Variants in ALK observed in about 807,000 individuals in gnomAD.
ALK encodes the protein ALK receptor tyrosine kinase.
A neutral mutation model predicts 163.1 loss-of-function variants in ALK; 74 were observed. The ratio of observed to expected loss-of-function variants is 0.45; its 90% CI spans 0.38 to 0.55. The LOEUF (loss-of-function observed/expected upper bound fraction) is 0.55, where lower values mean the gene tolerates loss of function less well. ALK is among the 20% of genes least tolerant of loss of function. ALK has a pLI of 0.00. For missense variants in ALK, 2,063 were observed against 2,105.3 expected (o/e 0.98, Z 0.39); for synonymous variants, 960 against 843.2 (o/e 1.14, Z -2.40).
chr2:29,218,516 T>A (rs1669699710), intron 23 of ALK, among the ~76,000 whole-genome samples: 1 of 152,142 alleles, frequency 6.6e-6, no homozygotes, highest in South Asian at 2.1e-4. Flanking sequence ...GGAATCATCT[T>A]TCATCATCAA....
intron 1 of ALK, among the ~76,000 whole-genome samples, chr2:29,819,090 G>A (rs1030126093): frequency 2.6e-5 from 4 of 152,128 alleles, no homozygotes; most frequent in Non-Finnish European, 5.9e-5. Context: ...TGCCTCTCCC[G>A]TCCCTCCAAT....
intron 11 of ALK, among the ~76,000 whole-genome samples, chr2:29,274,109 C>T (rs1168496008): frequency 3.9e-5 from 6 of 152,144 alleles, no homozygotes; most frequent in African/African-American, 7.2e-5. Flanking sequence ...GAAGGGGTGA[C>T]GGTTAGCCCT....
Position 29,214,334 on chromosome 2 carries a change from C to T in ALK, c.3646-253G>A, listed in dbSNP as rs3738865. On this transcript the variant is annotated intron_variant, in intron 23 of 28. Coordinates refer to ENST00000389048, the MANE Select transcript of ALK (RefSeq NM_004304.5). ...TGAAGTCTTCCCAGGTAATATGATG[C>T]CAGCGTGCAGCGAAGGCTCGGAACA... Among the ~76,000 whole-genome samples the T allele has an allele frequency of 1.2e-4, 18 of 152,284 alleles. No homozygotes were observed. The East Asian group carries it at 3.5e-3, about 29-fold the overall frequency.
chr2:29,571,168 AC>A (rs1220743465), intron 3 of ALK, among the ~76,000 whole-genome samples: 1 of 152,170 alleles, frequency 6.6e-6, no homozygotes, highest in Admixed American at 6.5e-5. Flanking sequence ...AGAGCTAAGG[AC>A]ACCTAAGGGG....
intron 3 of ALK, among the ~76,000 whole-genome samples, chr2:29,692,770 T>C (rs1678439425): frequency 6.6e-6 from 1 of 152,186 alleles, no homozygotes; most frequent in South Asian, 2.1e-4. Context: ...TTCTTGAACA[T>C]GTGCACCAAG....
rs950950151 is a variant in ALK at position 29,251,030 on chromosome 2, T to G, written c.2204+75A>C. ...GACATGCCTGGGCACCCCAGGAACA[T>G]GCACCCATAGGCAAGACTCCAGGCT... On this transcript the variant is annotated intron_variant, in intron 12 of 28. Coordinates refer to ENST00000389048, the MANE Select transcript of ALK (RefSeq NM_004304.5). The G allele has an allele frequency of 8.7e-6, 13 of 1,498,696 alleles. No homozygotes were observed. In the Admixed American group the frequency reaches 2.4e-4, roughly 28 times the overall value. The allele number at this position is 1,498,696 out of a possible 1,614,324, so 92.8% of individuals were successfully genotyped here. A position where few individuals can be genotyped will look rare whatever the true frequency, so the allele number is the denominator to read the frequency against.
intron 4 of ALK, among the ~76,000 whole-genome samples, chr2:29,517,947 C>T (rs1672715235): frequency 6.6e-6 from 1 of 152,196 alleles, no homozygotes; most frequent in Non-Finnish European, 1.5e-5. Flanking sequence ...TCTGAGACCA[C>T]CAAGTCAAAC....
In ALK at chr2:29,649,217, T is replaced by TGAGAGAGAGAGA. The variant is rs141534978; in HGVS notation, c.952+45621_952+45632dup. ...GTGTGTGAGAGAGAGTGTGTGTATGTGAGAGAGAGAGAGAGAGAGAGAGAG... is the reference window on the plus strand; with the variant it reads ...GTGTGTGAGAGAGAGTGTGTGTATGTGAGAGAGAGAGAGAGAGAGAGAGAGAGAGAGAGAGAG... On this transcript the variant is annotated intron_variant, in intron 3 of 28. Coordinates refer to ENST00000389048, the MANE Select transcript of ALK (RefSeq NM_004304.5). Among the ~76,000 whole-genome samples, 601 of 147,532 alleles carry TGAGAGAGAGAGA rather than the reference T, an allele frequency of 4.1e-3. 2 individuals carry two copies. Among genetic ancestry groups the TGAGAGAGAGAGA allele is most frequent in the African/African-American group, 0.014 (549 of 39,876 alleles).
intron 5 of ALK, among the ~76,000 whole-genome samples, chr2:29,351,298 T>A (rs1668105513): frequency 6.6e-6 from 1 of 152,218 alleles, no homozygotes; most frequent in Admixed American, 6.5e-5. Flanking sequence ...GAGAGAGGAC[T>A]GGCTCATTCT....
chr2:29,242,836 C>T (rs932340806), intron 12 of ALK, among the ~76,000 whole-genome samples: 1 of 152,242 alleles, frequency 6.6e-6, no homozygotes, highest in Admixed American at 6.5e-5. Flanking sequence ...AAGTAGACAG[C>T]AGAGCTTGGC....
chr2:29,584,106 A>T (rs540267261), intron 3 of ALK, among the ~76,000 whole-genome samples: 1 of 151,912 alleles, frequency 6.6e-6, no homozygotes, highest in Admixed American at 6.5e-5. Flanking sequence ...AGCCCCCTGA[A>T]ATACCCAGGC....
chr2:29,653,510 AC>A (rs1677092384), intron 3 of ALK, among the ~76,000 whole-genome samples: 1 of 148,894 alleles, frequency 6.7e-6, no homozygotes, highest in African/African-American at 2.6e-5. Flanking sequence ...TGCTTACCTA[AC>A]TTAACTTAAT....
intron 3 of ALK, among the ~76,000 whole-genome samples, chr2:29,576,449 C>A (rs915649802): frequency 2.6e-5 from 4 of 152,366 alleles, no homozygotes. Flanking sequence ...ACTGTCAATG[C>A]CAACTTGGTA....
At chr2:29,297,702 GTT>G (rs1484480040) in intron 8 of ALK, among the ~76,000 whole-genome samples, 6 of 152,286 alleles carry the variant, frequency 3.9e-5, no homozygotes, top group South Asian at 2.1e-4. Context: ...TTACAACTGT[GTT>G]TTTCATTGTG....
chr2:29,727,468 G>A (rs1016051848), intron 1 of ALK, among the ~76,000 whole-genome samples: 2 of 152,148 alleles, frequency 1.3e-5, no homozygotes, highest in East Asian at 1.9e-4. Flanking sequence ...ATACAGCAGT[G>A]TTACTGCGTG....
intron 20 of ALK, among the ~76,000 whole-genome samples, chr2:29,222,835 T>C (rs1000049396): frequency 6.6e-6 from 1 of 152,182 alleles, no homozygotes; most frequent in Non-Finnish European, 1.5e-5. Flanking sequence ...CTCATGACAA[T>C]GGTCAAATGT....
chr2:29,487,298 C>T (rs1358987701), intron 4 of ALK, among the ~76,000 whole-genome samples: 2 of 152,110 alleles, frequency 1.3e-5, no homozygotes, highest in African/African-American at 2.4e-5. Flanking sequence ...GAGAGGACAG[C>T]GATTGAGCCT....
chr2:29,862,330 C>A (rs1445106913), intron 1 of ALK, among the ~76,000 whole-genome samples: 2 of 151,982 alleles, frequency 1.3e-5, no homozygotes, highest in Non-Finnish European at 1.5e-5. Context: ...GGGAAAGGGT[C>A]TGAACAGGAA....
chr2:29,555,496 G>A (rs1212793245), intron 3 of ALK, among the ~76,000 whole-genome samples: 4 of 152,160 alleles, frequency 2.6e-5, no homozygotes, highest in Non-Finnish European at 5.9e-5. Context: ...GTCAATCTGT[G>A]AGTATTTGCT....
Sources: allele counts gnomAD v4.1 joint callset (sites outside exome capture counted in the v4.1 genomes callset), GRCh38; gene constraint gnomAD v4.1.1; transcripts MANE v1.5; gene names NCBI Gene and HGNC (gene_info 2026-07-23, HGNC 2026-07-21).